The following SH3RF3 variants were observed in gnomAD, a reference collection of about 807,000 sequenced individuals.
The protein encoded by SH3RF3 is SH3 domain containing ring finger 3.
A neutral mutation model predicts 66.3 loss-of-function variants in SH3RF3; 29 were observed. The ratio of observed to expected loss-of-function variants is 0.44; its 90% confidence interval spans 0.33 to 0.60. The LOEUF (loss-of-function observed/expected upper bound fraction) is 0.60, where lower values mean the gene tolerates loss of function less well. Among genes scored for constraint, SH3RF3 ranks in the 20% least tolerant of loss-of-function variants. SH3RF3 has a pLI of 0.04. For synonymous variants in SH3RF3, 583 were observed against 532.0 expected, an observed-to-expected ratio of 1.10 and a Z score of -1.32; for missense variants, 1,194 against 1,190.9, an observed-to-expected ratio of 1.00 and a Z score of -0.04.
intron 1 of SH3RF3, among the ~76,000 whole-genome samples, chr2:109,175,296 A>T (rs1006840801): frequency 6.6e-6 from 1 of 152,120 alleles, no homozygotes; most frequent in Non-Finnish European, 1.5e-5. Context: ...TAATCTTTGC[A>T]TGGTTTTATC....
At chr2:109,478,721 A>G (rs537068424) in intron 8 of SH3RF3, among the ~76,000 whole-genome samples, 4 of 152,316 alleles carry the variant, frequency 2.6e-5, no homozygotes, top group Non-Finnish European at 5.9e-5. Flanking sequence ...CTGAGCTCGT[A>G]GGTAAGATCT....
At chr2:109,296,976 C>G (rs1681327230) in intron 1 of SH3RF3, among the ~76,000 whole-genome samples, 1 of 152,094 alleles carries the variant, frequency 6.6e-6, no homozygotes, top group East Asian at 1.9e-4. Flanking sequence ...AGTGATTTAC[C>G]TATTTCCTCC....
intron 1 of SH3RF3, among the ~76,000 whole-genome samples, chr2:109,163,479 AG>A (rs2104917030): frequency 7.5e-6 from 1 of 132,564 alleles, no homozygotes; most frequent in South Asian, 2.5e-4. Context: ...GCTCACTGCA[AG>A]CTCCGCCTCC....
intron 1 of SH3RF3, among the ~76,000 whole-genome samples, chr2:109,214,254 T>A (rs777021096): frequency 5.3e-5 from 8 of 151,922 alleles, no homozygotes; most frequent in Non-Finnish European, 1.2e-4. Context: ...AGAGATAAGA[T>A]CACCCAAAGG....
chr2:109,289,478 GTGC>G (rs1381866206), intron 1 of SH3RF3, among the ~76,000 whole-genome samples: 2 of 152,180 alleles, frequency 1.3e-5, no homozygotes, highest in Admixed American at 6.5e-5. Context: ...GGTCTGGGTG[GTGC>G]TGCTCTTATA....
At chr2:109,285,031 C>T (rs931169651) in intron 1 of SH3RF3, among the ~76,000 whole-genome samples, 6 of 152,206 alleles carry the variant, frequency 3.9e-5, no homozygotes, top group East Asian at 1.9e-4. Flanking sequence ...CGCTGTGCCG[C>T]GGGGCCTCTG....
At chr2:109,454,538 G>T (rs1218296291) in intron 8 of SH3RF3, among the ~76,000 whole-genome samples, 3 of 152,168 alleles carry the variant, frequency 2.0e-5, no homozygotes, top group African/African-American at 7.2e-5. Flanking sequence ...CCGGCTGCCT[G>T]ACTTCTGTGG....
chr2:109,353,733 C>T (rs1026254742), intron 2 of SH3RF3, among the ~76,000 whole-genome samples: 2 of 152,228 alleles, frequency 1.3e-5, no homozygotes, highest in African/African-American at 4.8e-5. Flanking sequence ...CCCTTAGGCA[C>T]TCAGAACCCA....
intron 1 of SH3RF3, among the ~76,000 whole-genome samples, chr2:109,314,140 C>T (rs1232852488): frequency 6.6e-6 from 1 of 152,102 alleles, no homozygotes; most frequent in Non-Finnish European, 1.5e-5. Context: ...AGTCACCTAA[C>T]TGCAGGTGCC....
chr2:109,322,577 C>T (rs932970183), intron 1 of SH3RF3, among the ~76,000 whole-genome samples: 2 of 152,176 alleles, frequency 1.3e-5, no homozygotes, highest in African/African-American at 4.8e-5. Context: ...AGAGTTACTG[C>T]AAGAATAAAT....
At chr2:109,319,689 G>GATC (rs1029049304) in intron 1 of SH3RF3, among the ~76,000 whole-genome samples, 7 of 152,218 alleles carry the variant, frequency 4.6e-5, no homozygotes, top group African/African-American at 1.7e-4. Flanking sequence ...GTGCGATCTT[G>GATC]AAGAGTGCCG....
chr2:109,257,224 G>A (rs1680241823), intron 1 of SH3RF3, among the ~76,000 whole-genome samples: 1 of 152,152 alleles, frequency 6.6e-6, no homozygotes, highest in Non-Finnish European at 1.5e-5. Context: ...GTCCTTCTTG[G>A]AGAGGCAGCA....
chr2:109,287,081 C>A (rs1681045858), intron 1 of SH3RF3, among the ~76,000 whole-genome samples: 1 of 152,182 alleles, frequency 6.6e-6, no homozygotes. Context: ...CTCCATGTTT[C>A]TGTGATCTCA....
intron 8 of SH3RF3, among the ~76,000 whole-genome samples, chr2:109,461,727 T>C (rs1010591544): frequency 6.6e-6 from 1 of 152,330 alleles, no homozygotes; most frequent in African/African-American, 2.4e-5. Context: ...TCTGCCACAA[T>C]AGTGCCTCAG....
intron 1 of SH3RF3, among the ~76,000 whole-genome samples, chr2:109,333,446 T>C (rs927683491): frequency 1.1e-4 from 16 of 152,244 alleles, no homozygotes; most frequent in Admixed American, 4.6e-4. Flanking sequence ...CCTTAGTCAG[T>C]CATCCTGGAC....
chr2:109,180,710 C>T (rs112288600), intron 1 of SH3RF3, among the ~76,000 whole-genome samples: 4 of 152,308 alleles, frequency 2.6e-5, no homozygotes, highest in African/African-American at 9.6e-5. Context: ...CCTTTCCTTC[C>T]ACCACCATTG....
intron 2 of SH3RF3, among the ~76,000 whole-genome samples, chr2:109,359,653 C>T (rs1030392702): frequency 6.6e-6 from 1 of 152,134 alleles, no homozygotes; most frequent in Non-Finnish European, 1.5e-5. Flanking sequence ...CCAGAATGCT[C>T]CAAAATCCAA....
chr2:109,338,949 A>G (rs1249077065), intron 1 of SH3RF3, among the ~76,000 whole-genome samples: 1 of 152,202 alleles, frequency 6.6e-6, no homozygotes, highest in Admixed American at 6.5e-5. Context: ...ATCTTGGGAG[A>G]ACTATACATT....
chr2:109,144,175 TAAA>T (rs1176499073), intron 1 of SH3RF3, among the ~76,000 whole-genome samples: 4 of 152,228 alleles, frequency 2.6e-5, no homozygotes, highest in Non-Finnish European at 5.9e-5. Context: ...TGAACTTTGC[TAAA>T]AGAATAGATT....
Sources: gnomAD v4.1 joint callset for allele counts (sites outside exome capture counted in the v4.1 genomes callset) on GRCh38, gnomAD v4.1.1 for gene constraint, MANE v1.5 for transcripts, NCBI Gene and HGNC (gene_info 2026-07-23, HGNC 2026-07-21) for gene names.